DMD: variants seen among roughly 807,000 people sequenced by gnomAD.
The protein encoded by DMD is mutant dystrophin.
DMD carries 63 observed loss-of-function variants against 330.1 expected under a neutral mutation model. The ratio of observed to expected loss-of-function variants is 0.19; its 90% CI spans 0.16 to 0.24. DMD has a LOEUF of 0.24. Among genes scored for constraint, DMD ranks in the 10% least tolerant of loss-of-function variants. DMD has a pLI of 1.00. For missense variants in DMD, 3,344 were observed against 2,684.1 expected (o/e 1.25, Z -5.43); for synonymous variants, 1,223 against 959.8 (o/e 1.27, Z -5.07).
chrX:31,339,445 T>C (rs764965973), intron 61 of DMD, among the ~76,000 whole-genome samples: 10 of 112,022 alleles, frequency 8.9e-5, no homozygotes, highest in African/African-American at 2.9e-4. Flanking sequence ...TGGGACAACA[T>C]GTGACTGCTG....
chrX:31,178,185 G>C (rs1162878119), intron 70 of DMD: 1 of 752,160 alleles, frequency 1.3e-6, no homozygotes, highest in East Asian at 1.5e-4. Context: ...GTTGAAAAGA[G>C]GTGAAGACGT....
intron 15 of DMD, 25 bp downstream of exon 15, chrX:32,573,505 C>A: frequency 8.8e-7 from 1 of 1,132,510 alleles, no homozygotes; most frequent in Non-Finnish European, 1.2e-6. Context: ...TTTTATAAGA[C>A]CATTGAAAGC....
At chrX:32,974,848 C>T (rs190366301) in intron 2 of DMD, among the ~76,000 whole-genome samples, 3 of 111,754 alleles carry the variant, frequency 2.7e-5, no homozygotes, top group African/African-American at 9.8e-5. Flanking sequence ...TCTCTTCTTG[C>T]CTTCTGAAAG....
At chrX:31,780,101 C>T (rs2090933707) in intron 50 of DMD, among the ~76,000 whole-genome samples, 1 of 111,579 alleles carries the variant, frequency 9.0e-6, no homozygotes, top group South Asian at 3.7e-4. Flanking sequence ...ATTAGTCAGA[C>T]TAACAGCTTT....
chrX:31,617,250 G>A (rs1290886522), intron 55 of DMD, among the ~76,000 whole-genome samples: 1 of 111,730 alleles, frequency 9.0e-6, no homozygotes, highest in Non-Finnish European at 1.9e-5. Context: ...AATTGATACT[G>A]TGGGCTTGGT....
intron 41 of DMD, 40 bp from the exon 42 acceptor site, chrX:32,310,316 C>G: frequency 9.2e-7 from 1 of 1,092,731 alleles, no homozygotes; most frequent in Non-Finnish European, 1.3e-6. Context: ...TTTTAGCTTC[C>G]TAACAGTGAA....
chrX:32,196,298 T>A (rs765584833), intron 44 of DMD, among the ~76,000 whole-genome samples: 1 of 111,729 alleles, frequency 9.0e-6, no homozygotes, highest in South Asian at 3.7e-4. Flanking sequence ...GCTCCAGATA[T>A]AAAAAAAATT....
intron 48 of DMD, among the ~76,000 whole-genome samples, chrX:31,867,827 C>T (rs2093826486): frequency 9.0e-6 from 1 of 110,582 alleles, no homozygotes; most frequent in African/African-American, 3.3e-5. Context: ...TCAGTCCTAA[C>T]TCCAGTTGTT....
intron 4 of DMD, among the ~76,000 whole-genome samples, chrX:32,828,789 T>A (rs2148884998): frequency 9.0e-6 from 1 of 111,186 alleles, no homozygotes; most frequent in Non-Finnish European, 1.9e-5. Context: ...CACCAGGAAA[T>A]TTTTGTTTTG....
chrX:32,217,393 T>C (rs1339864046), intron 43 of DMD, among the ~76,000 whole-genome samples: 1 of 111,879 alleles, frequency 8.9e-6, no homozygotes, highest in Non-Finnish European at 1.9e-5. Context: ...AATATATTTT[T>C]TTAATTCTAG....
rs780720202 is a variant in DMD at position 32,525,367 on chromosome X, T to A, written c.2169-7236A>T. Among the ~76,000 whole-genome samples, 35 of 111,225 alleles carry A rather than the reference T, an allele frequency of 3.1e-4. 1 individual carries two copies. Among genetic ancestry groups the A allele is most frequent in the Middle Eastern group, 4.6e-3 (1 of 217 alleles). ...TATTCTGCCAGTGGATAGCCTCATC[T>A]CTTTATGCCAGCAATGAGGATGGAA... On this transcript the variant is annotated intron_variant, in intron 17 of 78. Transcript: ENST00000357033.
intron 2 of DMD, among the ~76,000 whole-genome samples, chrX:32,913,741 A>G (rs2087515027): frequency 8.9e-6 from 1 of 112,006 alleles, no homozygotes; most frequent in Non-Finnish European, 1.9e-5. Flanking sequence ...CTTTGTCCAA[A>G]GTTATAGAAA....
At chrX:33,294,640 G>GA (rs1191892786) in intron 1 of DMD, among the ~76,000 whole-genome samples, 8 of 102,291 alleles carry the variant, frequency 7.8e-5, no homozygotes, top group Admixed American at 2.1e-4. Context: ...GTTTACTACC[G>GA]AAAAAAAAAA....
At chrX:32,820,399 G>A (rs866765940) in intron 5 of DMD, among the ~76,000 whole-genome samples, 8 of 111,010 alleles carry the variant, frequency 7.2e-5, no homozygotes, top group Admixed American at 1.9e-4. Context: ...CAGAGATCGC[G>A]CCACTGCACT....
chrX:32,309,263 A>T (rs965177226), intron 42 of DMD, among the ~76,000 whole-genome samples: 6 of 111,708 alleles, frequency 5.4e-5, no homozygotes, highest in Non-Finnish European at 7.6e-5. Flanking sequence ...AGTATAAAAT[A>T]CTTTAGCTAA....
intron 30 of DMD, among the ~76,000 whole-genome samples, chrX:32,405,262 T>C (rs1359470918): frequency 2.7e-5 from 3 of 111,810 alleles, no homozygotes; most frequent in Admixed American, 1.9e-4. Flanking sequence ...ACTGTTGCTA[T>C]AGGATTTTAG....
chrX:31,520,741 G>A (rs777185296), intron 55 of DMD, among the ~76,000 whole-genome samples: 5 of 110,190 alleles, frequency 4.5e-5, no homozygotes, highest in African/African-American at 9.9e-5. Flanking sequence ...GTGCAGTGGC[G>A]CGATCTCGGC....
At position 31,828,235 on chromosome X, in the gene DMD, T is replaced by C. The variant is rs1011822886; in HGVS notation, c.7201-8152A>G. 4.5e-4 allele frequency among the ~76,000 whole-genome samples: 50 copies of C among 111,842 alleles called. 1 individual carries two copies. Among genetic ancestry groups the C allele is most frequent in the Middle Eastern group, 4.6e-3 (1 of 217 alleles). On this transcript the variant is annotated intron_variant, in intron 49 of 78. Coordinates refer to ENST00000357033, the MANE Select transcript of DMD (RefSeq NM_004006.3). ...AAATGAAACTGGAAACACTACAACC[T>C]ACATCACAAAAATACAAAAGATCAT...
chrX:32,537,096 G>C (rs998335863), intron 17 of DMD, among the ~76,000 whole-genome samples: 1 of 111,861 alleles, frequency 8.9e-6, no homozygotes, highest in Non-Finnish European at 1.9e-5. Context: ...AGACCACTGT[G>C]AATGGCTGCA....
Sources: gnomAD v4.1 joint callset for allele counts (sites outside exome capture counted in the v4.1 genomes callset) on GRCh38, gnomAD v4.1.1 for gene constraint, MANE v1.5 for transcripts, NCBI Gene and HGNC (gene_info 2026-07-23, HGNC 2026-07-21) for gene names.